The following AGBL4 variants were observed in gnomAD, a reference collection of about 807,000 sequenced individuals.
AGBL4 encodes AGBL carboxypeptidase 4, also known as cytosolic carboxypeptidase 6.
In AGBL4, 58 loss-of-function variants were observed where a neutral mutation model predicts 66.4. The observed-to-expected ratio is 0.87, with a 90% confidence interval of 0.71 to 1.09. The LOEUF (loss-of-function observed/expected upper bound fraction) is 1.09, where lower values mean the gene tolerates loss of function less well. AGBL4 is among the 50% of genes least tolerant of loss of function. The probability of loss-of-function intolerance (pLI) is 0.00; values close to 1 mark genes in which losing one functional copy is unlikely to be tolerated. For missense variants in AGBL4, 579 were observed against 631.0 expected, an observed-to-expected ratio of 0.92 and a Z score of 0.88; for synonymous variants, 234 against 222.9, an observed-to-expected ratio of 1.05 and a Z score of -0.44.
intron 3 of AGBL4, among the ~76,000 whole-genome samples, chr1:49,632,686 G>C (rs547131938): frequency 1.3e-5 from 2 of 152,212 alleles, no homozygotes; most frequent in East Asian, 3.9e-4. Flanking sequence ...AGGCTGTCTG[G>C]CTTCTGCCAC....
chr1:49,165,840 A>G (rs1646624553), intron 4 of AGBL4, among the ~76,000 whole-genome samples: 1 of 152,052 alleles, frequency 6.6e-6, no homozygotes. Flanking sequence ...CCAAATTGGT[A>G]CACTAAGCAC....
chr1:49,395,785 A>G (rs1644951895), intron 3 of AGBL4, among the ~76,000 whole-genome samples: 1 of 138,726 alleles, frequency 7.2e-6, no homozygotes, highest in South Asian at 2.2e-4. Context: ...ACATGTGTAT[A>G]TATGTATATA....
intron 6 of AGBL4, among the ~76,000 whole-genome samples, chr1:48,800,763 T>C (rs999332281): frequency 6.6e-6 from 1 of 152,198 alleles, no homozygotes; most frequent in African/African-American, 2.4e-5. Flanking sequence ...ATCATTCTGT[T>C]TCATGAGAGC....
chr1:49,933,095 C>T (rs1653535867), intron 1 of AGBL4, among the ~76,000 whole-genome samples: 1 of 151,794 alleles, frequency 6.6e-6, no homozygotes, highest in Admixed American at 6.6e-5. Context: ...CAGGATGAAC[C>T]CCAGGAATTC....
At chr1:49,203,442 A>C (rs183877799) in intron 4 of AGBL4, among the ~76,000 whole-genome samples, 34 of 152,316 alleles carry the variant, frequency 2.2e-4, no homozygotes, top group Admixed American at 2.2e-3. Flanking sequence ...TAGCCTTAAA[A>C]AAGTTAGGAA....
At chr1:49,892,776 T>G (rs1318809926) in intron 1 of AGBL4, among the ~76,000 whole-genome samples, 1 of 152,172 alleles carries the variant, frequency 6.6e-6, no homozygotes, top group Non-Finnish European at 1.5e-5. Flanking sequence ...GAAGACTAGA[T>G]GTCACCTATT....
chr1:49,416,265 A>G (rs1331208651), intron 3 of AGBL4, among the ~76,000 whole-genome samples: 5 of 152,174 alleles, frequency 3.3e-5, no homozygotes, highest in African/African-American at 1.2e-4. Flanking sequence ...GTATGTGTGA[A>G]TAGACGTATA....
At chr1:49,093,766 C>A (rs947828411) in intron 4 of AGBL4, among the ~76,000 whole-genome samples, 1 of 152,148 alleles carries the variant, frequency 6.6e-6, no homozygotes, top group Non-Finnish European at 1.5e-5. Flanking sequence ...GGTTCTTTAA[C>A]TTCAAATCTT....
At chr1:49,096,274 A>G (rs1441425812) in intron 4 of AGBL4, among the ~76,000 whole-genome samples, 1 of 152,144 alleles carries the variant, frequency 6.6e-6, no homozygotes, top group Non-Finnish European at 1.5e-5. Flanking sequence ...TGTGGAAGTC[A>G]GTGTGGCGAT....
intron 3 of AGBL4, among the ~76,000 whole-genome samples, chr1:49,528,027 G>A (rs1004695686): frequency 3.3e-5 from 5 of 151,940 alleles, no homozygotes; most frequent in African/African-American, 1.2e-4. Flanking sequence ...TCAAAATTAG[G>A]AGAGACAGCA....
intron 4 of AGBL4, among the ~76,000 whole-genome samples, chr1:49,070,476 T>C (rs555972064): frequency 6.6e-6 from 1 of 152,120 alleles, no homozygotes; most frequent in South Asian, 2.1e-4. Flanking sequence ...CTTTTCTGCA[T>C]CTATTGAGCT....
At chr1:48,544,973 T>C (rs1382972176) in intron 11 of AGBL4, among the ~76,000 whole-genome samples, 1 of 152,246 alleles carries the variant, frequency 6.6e-6, no homozygotes, top group African/African-American at 2.4e-5. Context: ...GAATACTGTG[T>C]GACCTTGCAT....
chr1:49,808,494 T>C (rs12757214), intron 2 of AGBL4, among the ~76,000 whole-genome samples: 32,458 of 152,070 alleles, frequency 0.21, 4,557 homozygotes, highest in Middle Eastern at 0.36. Flanking sequence ...ATAAATATAA[T>C]AAGATTATAT....
At chr1:49,692,528 C>T (rs1287887771) in intron 3 of AGBL4, among the ~76,000 whole-genome samples, 2 of 152,050 alleles carry the variant, frequency 1.3e-5, no homozygotes, top group Admixed American at 6.6e-5. Flanking sequence ...ACCATCCTGG[C>T]TAGCACGGTG....
chr1:48,947,213 A>AAGG (rs1470137149), intron 5 of AGBL4, among the ~76,000 whole-genome samples: 1 of 152,134 alleles, frequency 6.6e-6, no homozygotes. Context: ...CTCCCCTTGT[A>AAGG]TGTTTTCTTA....
chr1:49,478,709 A>C (rs966207031), intron 3 of AGBL4, among the ~76,000 whole-genome samples: 1 of 152,094 alleles, frequency 6.6e-6, no homozygotes, highest in African/African-American at 2.4e-5. Context: ...ATAACACTGT[A>C]ACTGTAGAGT....
intron 6 of AGBL4, among the ~76,000 whole-genome samples, chr1:48,701,669 A>G (rs184861055): frequency 6.6e-6 from 1 of 152,328 alleles, no homozygotes; most frequent in Admixed American, 6.5e-5. Flanking sequence ...TTAATGTATA[A>G]TACACTGGAT....
At chr1:49,780,551 T>C (rs1644312571) in intron 2 of AGBL4, among the ~76,000 whole-genome samples, 1 of 152,094 alleles carries the variant, frequency 6.6e-6, no homozygotes, top group African/African-American at 2.4e-5. Context: ...TTGTTGGGTT[T>C]GTAATGCCTG....
chr1:49,686,590 C>T (rs552926144), intron 3 of AGBL4, among the ~76,000 whole-genome samples: 23 of 152,312 alleles, frequency 1.5e-4, no homozygotes, highest in Non-Finnish European at 1.6e-4. Flanking sequence ...TTACTTGCTC[C>T]TATCTATTGT....
Sources: allele counts gnomAD v4.1 joint callset (sites outside exome capture counted in the v4.1 genomes callset), GRCh38; gene constraint gnomAD v4.1.1; transcripts MANE v1.5; gene names NCBI Gene and HGNC (gene_info 2026-07-23, HGNC 2026-07-21).